Variants in CD27 observed in about 807,000 individuals in gnomAD.
The protein encoded by CD27 is CD27 antigen.
In CD27, 16 loss-of-function variants were observed where a neutral mutation model predicts 25.9. That is an observed-to-expected ratio of 0.62 (90% CI 0.42 to 0.94). CD27 has a LOEUF of 0.94. Among genes scored for constraint, CD27 ranks in the 40% least tolerant of loss-of-function variants. The pLI is 0.00. For synonymous variants in CD27, 142 were observed against 124.3 expected (o/e 1.14, Z -0.95); for missense variants, 300 against 333.2 (o/e 0.90, Z 0.78).
At position 6,450,585 on chromosome 12, in the gene CD27, G is replaced by T. The variant is rs771383803; in HGVS notation, c.493G>T (p.Asp165Tyr). 6.2e-7 allele frequency: 1 copy of T among 1,613,246 alleles called. No individual in the cohort carries two copies. The highest frequency in any genetic ancestry group is 8.5e-7 in the Non-Finnish European group (1 of 1,180,044). Reference protein sequence around the residue: ...RTAGHMQTLADFRQLPARTLS... With the variant: ...RTAGHMQTLAYFRQLPARTLS... ...AGCTGGGCACATGCAGACTCTGGCT[G>T]ACTTCAGGCAGCTGCCTGCCCGGAC... The change falls in exon 4 of 6, where the codon GAC (aspartate) becomes TAC (tyrosine). Residue 165 changes from aspartate (D) to tyrosine (Y), a missense_variant. Asp to Tyr is a radical substitution (Grantham distance 160). Coordinates refer to ENST00000266557, the MANE Select transcript of CD27 (RefSeq NM_001242.5). This position sits in a 1 kb window ranked among gnomAD's most constrained non-coding sequence, Gnocchi z 4.1.
intron 5 of CD27, 123 bp from the exon 6 acceptor site, chr12:6,451,145 T>C: frequency 6.5e-7 from 1 of 1,529,050 alleles, no homozygotes. Flanking sequence ...CTACCCCTTC[T>C]CTCCCCTTAG....
In CD27 at chr12:6,445,265, G is replaced by A. The variant is rs1333927361; in HGVS notation, c.136+34G>A. ...GGGCCTTGGTAAGGGCCAGGTGAGTGGCGAAAGAGAGAGGACTGGGGTTAA... is the reference window on the plus strand; with the variant it reads ...GGGCCTTGGTAAGGGCCAGGTGAGTAGCGAAAGAGAGAGGACTGGGGTTAA... On this transcript the variant is annotated intron_variant, in intron 1 of 5. Transcript: ENST00000266557. This position sits in a 1 kb window ranked among gnomAD's most constrained non-coding sequence, Gnocchi z 4.5. 1.2e-6 allele frequency: 2 copies of A among 1,612,704 alleles called. No individual in the cohort carries two copies. Among genetic ancestry groups the A allele is most frequent in the East Asian group, 2.2e-5 (1 of 44,876 alleles).
At position 6,451,361 on chromosome 12, in the gene CD27, A is replaced by G. The variant is rs760072720; in HGVS notation, c.752A>G (p.Tyr251Cys). 6.2e-7 allele frequency: 1 copy of G among 1,613,704 alleles called. No individual in the cohort carries two copies. Among genetic ancestry groups the G allele is most frequent in the Non-Finnish European group, 8.5e-7 (1 of 1,179,974 alleles). Reference sequence around the variant, plus strand: ...AGCACCATCCCCATCCAGGAGGATTACCGAAAACCGGAGCCTGCCTGCTCC... The same window carrying G: ...AGCACCATCCCCATCCAGGAGGATTGCCGAAAACCGGAGCCTGCCTGCTCC... ...EGSTIPIQED[Y>C]RKPEPACSP Residue 251 changes from tyrosine to cysteine, a missense_variant, in exon 6 of 6, where the codon TAC (tyrosine) becomes TGC (cysteine). Transcript: ENST00000266557.
rs748418658 is a variant in CD27, at chr12:6,445,525, C to CA, written c.239dup (p.His80GlnfsTer3). The CA allele has an allele frequency of 1.1e-5, 18 of 1,613,804 alleles. No individual in the cohort carries two copies. Among genetic ancestry groups the CA allele is most frequent in the Non-Finnish European group, 1.4e-5 (17 of 1,180,022 alleles). ...CTCTCCTGACCACCACACCCGGCCCCACTGTGAGAGCTGTCGGCACTGTAA... is the reference window on the plus strand; with the variant it reads ...CTCTCCTGACCACCACACCCGGCCCCAACTGTGAGAGCTGTCGGCACTGTAA... On this transcript the variant is annotated frameshift_variant, in exon 2 of 6. Coordinates refer to ENST00000266557, the MANE Select transcript of CD27 (RefSeq NM_001242.5). LOFTEE classifies it high-confidence loss of function. The surrounding 1 kb of genome is among the most constrained non-coding windows in gnomAD (Gnocchi z 4.5).
In CD27 at chr12:6,450,904, C is replaced by A. The variant is rs1169728900; in HGVS notation, c.548C>A (p.Ser183Tyr). The A allele has an allele frequency of 6.2e-7, 1 of 1,614,158 alleles. No homozygotes were observed. The highest frequency in any genetic ancestry group is 1.1e-5 in the South Asian group (1 of 91,082). Residue 183 changes from serine to tyrosine, a missense_variant, in exon 5 of 6, where the codon TCC becomes TAC. Transcript: ENST00000266557. The surrounding 1 kb of genome is among the most constrained non-coding windows in gnomAD (Gnocchi z 4.1). ...TCCCCTCCTATTACAGCCCAAAGAT[C>A]CCTGTGCAGCTCCGATTTTATTCGC... ...TLSTHWPPQR[S>Y]LCSSDFIRIL...
intron 2 of CD27, among the ~76,000 whole-genome samples, chr12:6,446,778 AC>A (rs1949422268): frequency 7.4e-6 from 1 of 135,350 alleles, no homozygotes; most frequent in South Asian, 2.4e-4. Flanking sequence ...ACCCTTTTTC[AC>A]ACACACACAC....
Position 6,450,370 on chromosome 12 carries a change from C to T in CD27, c.448+18C>T. 6.2e-7 allele frequency: 1 copy of T among 1,606,320 alleles called. No individual in the cohort carries two copies. Among genetic ancestry groups the T allele is most frequent in the Non-Finnish European group, 8.5e-7 (1 of 1,177,144 alleles). ...TGTCAGTGGTAAGTTCCAGGCAACT[C>T]TCTGTGCCATCACGTGGGGTAGCGG... On this transcript the variant is annotated intron_variant, in intron 3 of 5. Coordinates refer to ENST00000266557, the MANE Select transcript of CD27 (RefSeq NM_001242.5). This position sits in a 1 kb window ranked among gnomAD's most constrained non-coding sequence, Gnocchi z 4.1.
Position 6,445,571 on chromosome 12 carries a change from G to C in CD27, c.268+16G>C. 1 of 1,612,036 alleles carries C rather than the reference G, an allele frequency of 6.2e-7. No homozygotes were observed. The highest frequency in any genetic ancestry group is 8.5e-7 in the Non-Finnish European group (1 of 1,179,606). The stretch of plus-strand genomic sequence containing the variant: ...TGTAACTCTGGTGAGGTGGGCAAGG[G>C]TGTGTAGGTGGGGACGATGGACAAG... On this transcript the variant is annotated intron_variant, in intron 2 of 5. Transcript: ENST00000266557. The surrounding 1 kb of genome is among the most constrained non-coding windows in gnomAD (Gnocchi z 4.5).
Position 6,450,796 on chromosome 12 carries a change from G to T in CD27, c.539-99G>T. On this transcript the variant is annotated intron_variant, in intron 4 of 5. Coordinates refer to ENST00000266557, the MANE Select transcript of CD27 (RefSeq NM_001242.5). The surrounding 1 kb of genome is among the most constrained non-coding windows in gnomAD (Gnocchi z 4.1). The stretch of plus-strand genomic sequence containing the variant: ...AACGGTGGCGGGTGGGATAGAATAA[G>T]GTGGGGGAAAGGGGAGAGGCAAGGT... 1 of 1,547,798 alleles carries T rather than the reference G, an allele frequency of 6.5e-7. No individual in the cohort carries two copies. Among genetic ancestry groups the T allele is most frequent in the Non-Finnish European group, 8.9e-7 (1 of 1,128,872 alleles).
intron 2 of CD27, among the ~76,000 whole-genome samples, chr12:6,446,657 C>A (rs1949420209): frequency 6.6e-6 from 1 of 151,990 alleles, no homozygotes; most frequent in East Asian, 1.9e-4. Flanking sequence ...AGTGCACCTG[C>A]AGTCCCAGCT....
Position 6,450,978 on chromosome 12 carries a change from G to A in CD27, c.622G>A (p.Ala208Thr), listed in dbSNP as rs1387324955. 1.4e-5 allele frequency: 22 copies of A among 1,614,104 alleles called. No individual in the cohort carries two copies. Among genetic ancestry groups the A allele is most frequent in the Non-Finnish European group, 1.9e-5 (22 of 1,179,988 alleles). Residue 208 changes from alanine to threonine, a missense_variant, in exon 5 of 6, where the codon GCC becomes ACC. By Grantham distance (58) the Ala-to-Thr change is moderately conservative. Transcript: ENST00000266557. This position sits in a 1 kb window ranked among gnomAD's most constrained non-coding sequence, Gnocchi z 4.1. Reference protein sequence around the residue: ...GMFLVFTLAGALFLHQRRKYR... With the variant: ...GMFLVFTLAGTLFLHQRRKYR... ...GTTCCTTGTTTTCACCCTGGCCGGG[G>A]CCCTGTTCCTCCATCAACGAAGGAA...
rs1949493036 is a variant in CD27, at chr12:6,450,029, C to G, written c.269-144C>G. On this transcript the variant is annotated intron_variant, in intron 2 of 5. Transcript: ENST00000266557. The surrounding 1 kb of genome is among the most constrained non-coding windows in gnomAD (Gnocchi z 4.1). ...GCATTGGGGGACCGTGAGCAAAGGG[C>G]AGGCCTTTGCAGGGGTGGGAATGGA... 1.6e-6 allele frequency: 1 copy of G among 642,002 alleles called. No individual in the cohort carries two copies. Among genetic ancestry groups the G allele is most frequent in the East Asian group, 2.8e-5 (1 of 36,194 alleles). The allele number at this position is 642,002 out of a possible 1,614,324, so 39.8% of individuals were successfully genotyped here.
intron 2 of CD27, among the ~76,000 whole-genome samples, chr12:6,446,802 A>AG: frequency 6.6e-6 from 1 of 151,444 alleles, no homozygotes; most frequent in Non-Finnish European, 1.5e-5. Context: ...ACACACACAA[A>AG]AAGCCAGAGC....
intron 2 of CD27, among the ~76,000 whole-genome samples, chr12:6,449,933 A>G (rs951543224): frequency 1.3e-5 from 2 of 152,320 alleles, no homozygotes; most frequent in Middle Eastern, 3.4e-3. Flanking sequence ...CATGGTTTCT[A>G]TGTCTGAACC....
chr12:6,446,684 T>C (rs1949420500), intron 2 of CD27, among the ~76,000 whole-genome samples: 1 of 151,744 alleles, frequency 6.6e-6, no homozygotes, highest in Non-Finnish European at 1.5e-5. Context: ...GAGGCTGAGA[T>C]GGGAAGATCA....
In CD27 at chr12:6,450,716, T is replaced by C; in HGVS notation, c.538+86T>C. The C allele has an allele frequency of 1.4e-6, 2 of 1,441,908 alleles. No homozygotes were observed. The highest frequency in any genetic ancestry group is 1.9e-6 in the Non-Finnish European group (2 of 1,037,670). The allele number at this position is 1,441,908 out of a possible 1,614,324, so 89.3% of individuals were successfully genotyped here. ...AAGCCAGACAGAAAGCTCCTAGGAT[T>C]AGGGATAAGAGGAGGGGAAAAAGCA... On this transcript the variant is annotated intron_variant, in intron 4 of 5. Transcript: ENST00000266557. The surrounding 1 kb of genome is among the most constrained non-coding windows in gnomAD (Gnocchi z 4.1).
At position 6,445,228 on chromosome 12, in the gene CD27, C is replaced by T. The variant is rs1305041473; in HGVS notation, c.133C>T (p.Pro45Ser). 6.2e-7 allele frequency: 1 copy of T among 1,613,900 alleles called. No individual in the cohort carries two copies. The highest frequency in any genetic ancestry group is 1.7e-5 in the Admixed American group (1 of 59,958). The change falls in exon 1 of 6, where the codon CCA (proline) becomes TCA (serine). Residue 45 changes from proline (P) to serine (S), a missense_variant. Transcript: ENST00000266557. The surrounding 1 kb of genome is among the most constrained non-coding windows in gnomAD (Gnocchi z 4.5). Reference sequence around the variant, plus strand: ...AAAGCTGTGCTGCCAGATGTGTGAGCCAGGTAAGAGGGGGCCTTGGTAAGG... The same window carrying T: ...AAAGCTGTGCTGCCAGATGTGTGAGTCAGGTAAGAGGGGGCCTTGGTAAGG... ...QGKLCCQMCE[P>S]GTFLVKDCDQ...
In CD27 at chr12:6,448,950, AG is replaced by A. The variant is rs1241919915; in HGVS notation, c.269-1222del. ...CCATTTCTTCCCCCCAACCAACCCC[AG>A]CCCCAGCCCCAGCCCCTGGGAATCC... On this transcript the variant is annotated intron_variant, in intron 2 of 5. Coordinates refer to ENST00000266557, the MANE Select transcript of CD27 (RefSeq NM_001242.5). Among the ~76,000 whole-genome samples the A allele has an allele frequency of 3.0e-4, 27 of 90,028 alleles. 1 individual carries two copies. The highest frequency in any genetic ancestry group is 5.5e-4 in the Non-Finnish European group (25 of 45,228). 59.1% of individuals were successfully genotyped at this position (90,028 alleles called of 152,430 possible).
At position 6,451,578 on chromosome 12, in the gene CD27, G is replaced by A; in HGVS notation, c.*186G>A. ...GGACGAGGACAAATATGGATGAGGTGGAGAGTGGGAAGCAGGAGCCCAGCC... is the reference window on the plus strand; with the variant it reads ...GGACGAGGACAAATATGGATGAGGTAGAGAGTGGGAAGCAGGAGCCCAGCC... On this transcript the variant is annotated 3_prime_UTR_variant, in exon 6 of 6. Transcript: ENST00000266557. The A allele has an allele frequency of 9.8e-6, 6 of 613,710 alleles. No homozygotes were observed. The highest frequency in any genetic ancestry group is 2.6e-5 in the South Asian group (1 of 38,448). The allele number at this position is 613,710 out of a possible 1,614,324, so 38.0% of individuals were successfully genotyped here. A position where few individuals can be genotyped will look rare whatever the true frequency, so the allele number is the denominator to read the frequency against.
Sources: gnomAD v4.1 joint callset for allele counts (sites outside exome capture counted in the v4.1 genomes callset) on GRCh38, gnomAD v4.1.1 for gene constraint, Gnocchi (gnomAD v3.1) non-coding constraint, MANE v1.5 for transcripts, NCBI Gene and HGNC (gene_info 2026-07-23, HGNC 2026-07-21) for gene names.